Variants in HS3ST3A1 observed in about 807,000 individuals in gnomAD.
The protein encoded by HS3ST3A1 is heparan sulfate glucosamine 3-O-sulfotransferase 3A1.
A neutral mutation model predicts 25.7 loss-of-function variants in HS3ST3A1; 19 were observed. The ratio of observed to expected loss-of-function variants is 0.74; its 90% CI spans 0.52 to 1.08. The LOEUF is 1.08. Ranked by LOEUF, HS3ST3A1 falls within the 50% of genes least tolerant of loss-of-function variation. HS3ST3A1 has a pLI of 0.00. For missense variants in HS3ST3A1, 459 were observed against 594.3 expected (o/e 0.77, Z 2.37); for synonymous variants, 226 against 278.6 (o/e 0.81, Z 1.88).
chr17:13,581,100 T>G (rs1908100409), intron 1 of HS3ST3A1, among the ~76,000 whole-genome samples: 1 of 152,198 alleles, frequency 6.6e-6, no homozygotes. Context: ...TCAAAGATAT[T>G]AATATTAATA....
In HS3ST3A1 at chr17:13,562,418, A is replaced by C. The variant is rs553682548; in HGVS notation, c.599+38113T>G. On this transcript the variant is annotated intron_variant, in intron 1 of 1. Transcript: ENST00000284110. ...GTGGCTGCTCGGGCACACACGAGGG[A>C]CAGCGGGTGGGGGGGAAAGTAACCC... Among the ~76,000 whole-genome samples the C allele has an allele frequency of 3.9e-5, 6 of 152,270 alleles. No individual in the cohort carries two copies. The East Asian group carries it at 9.7e-4, about 25-fold the overall frequency.
intron 1 of HS3ST3A1, among the ~76,000 whole-genome samples, chr17:13,551,621 A>G (rs114667143): frequency 0.45 from 63,144 of 141,386 alleles, 14,356 homozygotes; most frequent in South Asian, 0.54. Flanking sequence ...CCAAGAAAAA[A>G]AAAAGGGGGG....
chr17:13,498,555 C>G (rs114241362), intron 1 of HS3ST3A1, among the ~76,000 whole-genome samples: 1 of 152,144 alleles, frequency 6.6e-6, no homozygotes, highest in Non-Finnish European at 1.5e-5. Flanking sequence ...TCTGACCTAT[C>G]CCGTTTGACT....
At position 13,601,860 on chromosome 17, in the gene HS3ST3A1, G is replaced by C. The variant is rs1009499353; in HGVS notation, c.-731C>G. The stretch of plus-strand genomic sequence containing the variant: ...GTGGCTGGGCTGGGCTGGGCTGCGC[G>C]GGACCTGTCAGCGGCCCCCGCCACT... On this transcript the variant is annotated 5_prime_UTR_variant, in exon 1 of 2. Coordinates refer to ENST00000284110, the MANE Select transcript of HS3ST3A1 (RefSeq NM_006042.3). The C allele has an allele frequency of 8.5e-5, 13 of 153,018 alleles. No homozygotes were observed. Among genetic ancestry groups the C allele is most frequent in the African/African-American group, 3.1e-4 (13 of 41,452 alleles). 9.5% of individuals were successfully genotyped at this position (153,018 alleles called of 1,614,324 possible).
At chr17:13,527,390 C>T (rs970413957) in intron 1 of HS3ST3A1, among the ~76,000 whole-genome samples, 3 of 152,164 alleles carry the variant, frequency 2.0e-5, no homozygotes, top group Non-Finnish European at 2.9e-5. Context: ...CCCCTAATTG[C>T]TCTGTTTAAT....
chr17:13,588,665 A>G lies in HS3ST3A1; in HGVS notation c.599+11866T>C, dbSNP rs544369280. ...ACTACATGGGATTCACTCTCTTAGTATAGTCCATTTTATATGTAGTTCCAT... is the reference window on the plus strand; with the variant it reads ...ACTACATGGGATTCACTCTCTTAGTGTAGTCCATTTTATATGTAGTTCCAT... On this transcript the variant is annotated intron_variant, in intron 1 of 1. Transcript: ENST00000284110. Among the ~76,000 whole-genome samples the G allele has an allele frequency of 4.0e-5, 6 of 151,196 alleles. No individual in the cohort carries two copies. The South Asian group carries it at 1.3e-3, about 32-fold the overall frequency.
chr17:13,549,175 A>T (rs1401801167), intron 1 of HS3ST3A1, among the ~76,000 whole-genome samples: 25 of 152,206 alleles, frequency 1.6e-4, no homozygotes, highest in Admixed American at 1.6e-3. Flanking sequence ...ACTGGGAGGA[A>T]CAAACAACTC....
intron 1 of HS3ST3A1, among the ~76,000 whole-genome samples, chr17:13,549,640 C>T (rs1316471252): frequency 6.6e-6 from 1 of 152,140 alleles, no homozygotes; most frequent in Non-Finnish European, 1.5e-5. Context: ...GGTTGCTCCC[C>T]ACTCTACTGG....
At chr17:13,561,540 C>T (rs1323871529) in intron 1 of HS3ST3A1, among the ~76,000 whole-genome samples, 1 of 152,060 alleles carries the variant, frequency 6.6e-6, no homozygotes. Context: ...ATTACAGGCA[C>T]CTATTACCAT....
intron 1 of HS3ST3A1, among the ~76,000 whole-genome samples, chr17:13,551,974 T>G (rs765779178): frequency 1.3e-4 from 20 of 152,230 alleles, no homozygotes; most frequent in African/African-American, 2.4e-4. Flanking sequence ...CCTCTTTCTA[T>G]TCCCACCTGC....
intron 1 of HS3ST3A1, among the ~76,000 whole-genome samples, chr17:13,560,298 A>AAAAAAAAAAAAAAAAAAAC (rs1907500491): frequency 7.4e-6 from 1 of 135,508 alleles, no homozygotes; most frequent in Non-Finnish European, 1.6e-5. Flanking sequence ...CCAAAAAAAA[A>AAAAAAAAAAAAAAAAAAAC]AAAAAAAAAA....
intron 1 of HS3ST3A1, among the ~76,000 whole-genome samples, chr17:13,597,691 G>A (rs889297825): frequency 5.3e-5 from 8 of 152,088 alleles, no homozygotes; most frequent in Non-Finnish European, 1.0e-4. Context: ...TTTCTTTCTA[G>A]AGATTTTGAA....
At chr17:13,593,985 C>T (rs1908508689) in intron 1 of HS3ST3A1, among the ~76,000 whole-genome samples, 1 of 152,140 alleles carries the variant, frequency 6.6e-6, no homozygotes, top group Admixed American at 6.5e-5. Context: ...ACTTTTGTCT[C>T]CCCACATCTG....
chr17:13,600,555 T>C lies in HS3ST3A1; in HGVS notation c.575A>G (p.Tyr192Cys), dbSNP rs1457558832. ...CCGGTACCAGGCGAGGCCCTTGTCG[T>C]AGCTGCGGTCGAAGAAGTGGGGCTC... is the stretch of plus-strand genomic sequence containing the variant. ...GAEPHFFDRS[Y>C]DKGLAWYRDL... Residue 192 changes from tyrosine to cysteine, a missense_variant, in exon 1 of 2, where the codon TAC (tyrosine) becomes TGC (cysteine). Physicochemically the swap from Tyr to Cys is radical, Grantham distance 194. Transcript: ENST00000284110. 13 of 1,601,322 alleles carry C rather than the reference T, an allele frequency of 8.1e-6. No individual in the cohort carries two copies. Among genetic ancestry groups the C allele is most frequent in the Non-Finnish European group, 1.1e-5 (13 of 1,178,244 alleles).
At chr17:13,560,319 A>AAAAAAAAAAAAAAAAAAT (rs1907502490) in intron 1 of HS3ST3A1, among the ~76,000 whole-genome samples, 5 of 143,922 alleles carry the variant, frequency 3.5e-5, no homozygotes, top group Non-Finnish European at 6.0e-5. Flanking sequence ...AAAAAAAAAA[A>AAAAAAAAAAAAAAAAAAT]GTGTATTACC....
chr17:13,584,667 C>T (rs552870967), intron 1 of HS3ST3A1, among the ~76,000 whole-genome samples: 2 of 152,212 alleles, frequency 1.3e-5, no homozygotes, highest in African/African-American at 4.8e-5. Flanking sequence ...CATAAGCAAA[C>T]ACATAAACAC....
At chr17:13,514,966 A>G (rs1186913695) in intron 1 of HS3ST3A1, among the ~76,000 whole-genome samples, 1 of 152,210 alleles carries the variant, frequency 6.6e-6, no homozygotes, top group East Asian at 1.9e-4. Flanking sequence ...TTAATGAACT[A>G]TATGTACTAA....
At chr17:13,585,960 C>T (rs1423319803) in intron 1 of HS3ST3A1, among the ~76,000 whole-genome samples, 2 of 150,568 alleles carry the variant, frequency 1.3e-5, no homozygotes, top group Non-Finnish European at 3.0e-5. Context: ...AGCAATTCCC[C>T]TACCTCAGCC....
intron 1 of HS3ST3A1, among the ~76,000 whole-genome samples, chr17:13,530,940 C>T (rs1231149222): frequency 6.6e-6 from 1 of 152,184 alleles, no homozygotes; most frequent in Non-Finnish European, 1.5e-5. Flanking sequence ...GATCCCTCTT[C>T]TCTGGCTAGA....
Sources: allele counts gnomAD v4.1 joint callset (sites outside exome capture counted in the v4.1 genomes callset), GRCh38; gene constraint gnomAD v4.1.1; transcripts MANE v1.5; gene names NCBI Gene and HGNC (gene_info 2026-07-23, HGNC 2026-07-21).